Variants in LRRTM4 observed in about 807,000 individuals in gnomAD.
The protein encoded by LRRTM4 is leucine rich repeat transmembrane neuronal 4, also known as leucine-rich repeat transmembrane neuronal protein 4.
A neutral mutation model predicts 47.6 loss-of-function variants in LRRTM4; 25 were observed. The ratio of observed to expected loss-of-function variants is 0.53; its 90% CI spans 0.38 to 0.73. LRRTM4 has a LOEUF of 0.73. LRRTM4 is among the 30% of genes least tolerant of loss of function. The pLI, the probability that LRRTM4 is intolerant of heterozygous loss-of-function variation, is 0.00. For missense variants in LRRTM4, 638 were observed against 713.4 expected (o/e 0.89, Z 1.20); for synonymous variants, 311 against 269.5 (o/e 1.15, Z -1.51).
chr2:77,178,455 G>A lies in LRRTM4; in HGVS notation c.1551+339863C>T, dbSNP rs1035399296. 7.2e-5 allele frequency among the ~76,000 whole-genome samples: 11 copies of A among 152,048 alleles called. No homozygotes were observed. The East Asian group carries it at 9.8e-4, about 13-fold the overall frequency. ...ACAAAAATTAGCCAGGCGTGGTGGC[G>A]CGTGCCTGTATTCCTAGCTACTTGG... On this transcript the variant is annotated intron_variant, in intron 3 of 3. Coordinates refer to ENST00000409884, the MANE Select transcript of LRRTM4 (RefSeq NM_001134745.3).
rs780090478 is a variant in LRRTM4 at position 76,748,661 on chromosome 2, CA to C, written c.*33del. On this transcript the variant is annotated 3_prime_UTR_variant, in exon 4 of 4. Coordinates refer to ENST00000409884, the MANE Select transcript of LRRTM4 (RefSeq NM_001134745.3). ...TAAGATGAAGGCCCTCCCTCCCCCC[CA>C]TGGAGCTCCCCAGTGAGGAGTTGGC... The C allele has an allele frequency of 7.6e-6, 11 of 1,455,630 alleles. No individual in the cohort carries two copies. In the South Asian group the frequency reaches 1.2e-4, roughly 17 times the overall value. 90.2% of individuals were successfully genotyped at this position (1,455,630 alleles called of 1,614,324 possible).
chr2:76,837,780 T>A (rs1431575114), intron 3 of LRRTM4, among the ~76,000 whole-genome samples: 1 of 152,118 alleles, frequency 6.6e-6, no homozygotes, highest in Non-Finnish European at 1.5e-5. Context: ...GTTCATGTCC[T>A]TTGTAGGGAC....
At chr2:77,280,528 T>G (rs1676480863) in intron 3 of LRRTM4, among the ~76,000 whole-genome samples, 1 of 152,048 alleles carries the variant, frequency 6.6e-6, no homozygotes, top group African/African-American at 2.4e-5. Context: ...TATAATTAAT[T>G]AAAATGCCTA....
intron 3 of LRRTM4, among the ~76,000 whole-genome samples, chr2:76,994,298 T>C (rs1217738107): frequency 6.6e-6 from 1 of 151,636 alleles, no homozygotes; most frequent in Non-Finnish European, 1.5e-5. Context: ...ATTATAAAAA[T>C]AAACAATTGA....
In LRRTM4 at chr2:77,156,705, A is replaced by T. The variant is rs945435809; in HGVS notation, c.1551+361613T>A. Reference sequence around the variant, plus strand: ...TTAAAGAAAGATACAATGAGCCTTCAACTTTTTTTTTTTTTTTTTTGAGAC... The same window carrying T: ...TTAAAGAAAGATACAATGAGCCTTCTACTTTTTTTTTTTTTTTTTTGAGAC... On this transcript the variant is annotated intron_variant, in intron 3 of 3. Coordinates refer to ENST00000409884, the MANE Select transcript of LRRTM4 (RefSeq NM_001134745.3). Among the ~76,000 whole-genome samples, 3 of 151,028 alleles carry T rather than the reference A, an allele frequency of 2.0e-5. No homozygotes were observed. In the Admixed American group the frequency reaches 2.0e-4, roughly 10 times the overall value.
At chr2:76,888,876 T>C (rs1039464056) in intron 3 of LRRTM4, among the ~76,000 whole-genome samples, 4 of 151,902 alleles carry the variant, frequency 2.6e-5, no homozygotes, top group Admixed American at 6.6e-5. Flanking sequence ...GTGGCTAGCT[T>C]TCGCCTTTTT....
intron 3 of LRRTM4, among the ~76,000 whole-genome samples, chr2:77,456,386 C>G (rs1676541392): frequency 6.6e-6 from 1 of 152,014 alleles, no homozygotes; most frequent in African/African-American, 2.4e-5. Context: ...GACTTCTTTC[C>G]ACAAATAATT....
chr2:76,879,641 A>G (rs1672873468), intron 3 of LRRTM4, among the ~76,000 whole-genome samples: 1 of 152,228 alleles, frequency 6.6e-6, no homozygotes, highest in Non-Finnish European at 1.5e-5. Flanking sequence ...TCTTCAGCCC[A>G]TGGATCAAAT....
chr2:76,864,291 C>T (rs1219153770), intron 3 of LRRTM4, among the ~76,000 whole-genome samples: 1 of 152,128 alleles, frequency 6.6e-6, no homozygotes, highest in African/African-American at 2.4e-5. Flanking sequence ...ATGAAATACC[C>T]AGGAGGTAGA....
At chr2:77,374,315 GA>G (rs1373157103) in intron 3 of LRRTM4, among the ~76,000 whole-genome samples, 2 of 151,764 alleles carry the variant, frequency 1.3e-5, no homozygotes, top group East Asian at 3.9e-4. Context: ...CTGACTTGCA[GA>G]AAATGCAATA....
At position 77,053,975 on chromosome 2, in the gene LRRTM4, T is replaced by TA. The variant is rs1011902872; in HGVS notation, c.1552-305060dup. ...TGAGTCAGAAATATACTTAGTGACT[T>TA]AAAAAAAAAGCTTTCAGTGAAAAGT... On this transcript the variant is annotated intron_variant, in intron 3 of 3. Coordinates refer to ENST00000409884, the MANE Select transcript of LRRTM4 (RefSeq NM_001134745.3). Among the ~76,000 whole-genome samples, 10 of 150,998 alleles carry TA rather than the reference T, an allele frequency of 6.6e-5. No homozygotes were observed. In the South Asian group the frequency reaches 1.3e-3, roughly 19 times the overall value.
intron 3 of LRRTM4, among the ~76,000 whole-genome samples, chr2:77,147,360 G>T (rs574678904): frequency 6.6e-6 from 1 of 152,222 alleles, no homozygotes; most frequent in South Asian, 2.1e-4. Context: ...TGTTCCAGGA[G>T]CACATTTAAT....
chr2:76,796,767 A>G (rs1417228641), intron 3 of LRRTM4, among the ~76,000 whole-genome samples: 10 of 151,874 alleles, frequency 6.6e-5, no homozygotes. Context: ...TCCTCCTCCA[A>G]AGGAACGCAG....
At chr2:77,000,094 A>C (rs1677360076) in intron 3 of LRRTM4, among the ~76,000 whole-genome samples, 1 of 152,120 alleles carries the variant, frequency 6.6e-6, no homozygotes, top group Non-Finnish European at 1.5e-5. Context: ...GCTTCACTGG[A>C]CTTGATGAAT....
At chr2:77,137,003 G>A (rs1262603825) in intron 3 of LRRTM4, among the ~76,000 whole-genome samples, 2 of 151,950 alleles carry the variant, frequency 1.3e-5, no homozygotes, top group African/African-American at 4.9e-5. Context: ...CGTCTGATTG[G>A]TGTACCTGAA....
intron 3 of LRRTM4, among the ~76,000 whole-genome samples, chr2:76,991,883 T>A (rs1345847899): frequency 1.3e-5 from 2 of 151,592 alleles, no homozygotes; most frequent in African/African-American, 4.8e-5. Flanking sequence ...GCAAAAATCA[T>A]CAACAAAATA....
At chr2:77,365,855 A>C (rs1286263007) in intron 3 of LRRTM4, among the ~76,000 whole-genome samples, 4 of 149,976 alleles carry the variant, frequency 2.7e-5, no homozygotes, top group Admixed American at 6.7e-5. Flanking sequence ...CCAAAATACA[A>C]GCAATGTTTT....
At chr2:76,807,474 A>ACGTG (rs1558667704) in intron 3 of LRRTM4, among the ~76,000 whole-genome samples, 1 of 132,580 alleles carries the variant, frequency 7.5e-6, no homozygotes, top group Non-Finnish European at 1.6e-5. Flanking sequence ...ATATATACAT[A>ACGTG]TATATATATA....
intron 3 of LRRTM4, among the ~76,000 whole-genome samples, chr2:77,279,735 A>C (rs78512912): frequency 6.6e-6 from 1 of 151,974 alleles, no homozygotes; most frequent in African/African-American, 2.4e-5. Context: ...CTGTCACTCA[A>C]CTTCAACAAT....
Sources: allele counts gnomAD v4.1 joint callset (sites outside exome capture counted in the v4.1 genomes callset), GRCh38; gene constraint gnomAD v4.1.1; transcripts MANE v1.5; gene names NCBI Gene and HGNC (gene_info 2026-07-23, HGNC 2026-07-21).